The following GCFC2 variants were observed in gnomAD, a reference collection of about 807,000 sequenced individuals.
GCFC2 encodes intron Large complex component GCFC2.
Under a neutral mutation model 99.4 loss-of-function variants are expected in GCFC2, and 102 were observed. The ratio of observed to expected loss-of-function variants is 1.03; its 90% CI spans 0.87 to 1.21. GCFC2 has a LOEUF of 1.21. Ranked by LOEUF, GCFC2 falls within the 50% of genes most tolerant of loss-of-function variation. The pLI is 0.00. For synonymous variants in GCFC2, 338 were observed against 316.8 expected (o/e 1.07, Z -0.71); for missense variants, 973 against 920.9 (o/e 1.06, Z -0.73).
At chr2:75,665,887 C>A in intron 16 of GCFC2, 42 bp downstream of exon 16, 3 of 1,358,480 alleles carry the variant, frequency 2.2e-6, no homozygotes, top group African/African-American at 1.5e-5. Flanking sequence ...ATACAGAATC[C>A]ATGAACTCTC....
At chr2:75,685,240 C>T (rs902625331) in intron 11 of GCFC2, among the ~76,000 whole-genome samples, 2 of 152,146 alleles carry the variant, frequency 1.3e-5, no homozygotes, top group Admixed American at 1.3e-4. Context: ...CTTAGCCCTA[C>T]TTCCTCCTCT....
chr2:75,694,530 TA>T (rs1287820335), intron 5 of GCFC2, 103 bp from the exon 6 acceptor site: 3 of 456,944 alleles, frequency 6.6e-6, no homozygotes, highest in Non-Finnish European at 1.1e-5. Flanking sequence ...GACAATCATA[TA>T]AATCTGGGTT....
intron 4 of GCFC2, among the ~76,000 whole-genome samples, chr2:75,700,514 G>T (rs186933427): frequency 9.0e-4 from 137 of 152,132 alleles, no homozygotes; most frequent in African/African-American, 3.1e-3. Context: ...GTATTGTGAA[G>T]TGAAAAAAAC....
At chr2:75,676,771 G>C (rs1457949527) in intron 12 of GCFC2, among the ~76,000 whole-genome samples, 3 of 152,066 alleles carry the variant, frequency 2.0e-5, no homozygotes, top group Non-Finnish European at 4.4e-5. Context: ...ATTTTTAAAC[G>C]CATGGGTGGG....
At chr2:75,669,738 A>G (rs1679003849) in intron 15 of GCFC2, among the ~76,000 whole-genome samples, 2 of 148,040 alleles carry the variant, frequency 1.4e-5, no homozygotes, top group African/African-American at 2.5e-5. Context: ...TCATTTGTCA[A>G]TTTTTTTTTT....
upstream of GCFC2, chr2:75,711,285 C>T (rs930224705): frequency 2.3e-6 from 2 of 857,464 alleles, no homozygotes; most frequent in Admixed American, 1.2e-4. Context: ...AGATTTAAAA[C>T]AAACGAAACC....
At chr2:75,668,648 CT>C (rs1358846040) in intron 15 of GCFC2, among the ~76,000 whole-genome samples, 2 of 152,006 alleles carry the variant, frequency 1.3e-5, no homozygotes, top group Non-Finnish European at 2.9e-5. Flanking sequence ...ATTTATTTTC[CT>C]TTCACATTTT....
rs1052976614 is a variant in GCFC2 at position 75,662,885 on chromosome 2, A to C, written c.*1781T>G. 2.0e-5 allele frequency: 3 copies of C among 150,900 alleles called. No homozygotes were observed. Among genetic ancestry groups the C allele is most frequent in the East Asian group, 1.9e-4 (1 of 5,156 alleles). The allele number at this position is 150,900 out of a possible 1,614,324, so 9.3% of individuals were successfully genotyped here. A position where few individuals can be genotyped will look rare whatever the true frequency, so the allele number is the denominator to read the frequency against. ...AAAAATTACAAATTTCATGTGCAAT[A>C]AAGTGTCTGCCACTTACGTAAAAAA... On this transcript the variant is annotated 3_prime_UTR_variant, in exon 17 of 17. Coordinates refer to ENST00000321027, the MANE Select transcript of GCFC2 (RefSeq NM_003203.5).
At chr2:75,712,002 G>C (rs1003997794), upstream of GCFC2, among the ~76,000 whole-genome samples, 14 of 152,266 alleles carry the variant, frequency 9.2e-5, no homozygotes, top group Admixed American at 6.5e-5. Context: ...CTGCAGCCCC[G>C]GTGCGGGATC....
At chr2:75,671,530 T>A (rs976423475) in intron 14 of GCFC2, among the ~76,000 whole-genome samples, 2 of 152,194 alleles carry the variant, frequency 1.3e-5, no homozygotes, top group Non-Finnish European at 2.9e-5. Context: ...CTCCTTCTCA[T>A]CCCTACTGCC....
intron 1 of GCFC2, among the ~76,000 whole-genome samples, chr2:75,706,996 T>C (rs559089667): frequency 6.6e-6 from 1 of 152,328 alleles, no homozygotes; most frequent in Non-Finnish European, 1.5e-5. Flanking sequence ...AAATATTTAA[T>C]GTATACTATG....
At chr2:75,667,374 G>A (rs1678890768) in intron 15 of GCFC2, among the ~76,000 whole-genome samples, 2 of 152,042 alleles carry the variant, frequency 1.3e-5, no homozygotes, top group African/African-American at 4.8e-5. Context: ...AATATAGAAA[G>A]CAGAGAGTTG....
chr2:75,673,412 T>C (rs1679209741), intron 13 of GCFC2, 32 bp downstream of exon 13: 3 of 898,736 alleles, frequency 3.3e-6, no homozygotes, highest in African/African-American at 3.3e-5. Flanking sequence ...TGATCAGCTA[T>C]TTCCAACAAT....
At chr2:75,702,511 T>TAGGATA (rs1680653287) in intron 2 of GCFC2, 88 bp from the exon 3 acceptor site, 3 of 1,007,864 alleles carry the variant, frequency 3.0e-6, no homozygotes, top group Non-Finnish European at 4.3e-6. Flanking sequence ...AAAAGCACCA[T>TAGGATA]TTTCCTAAAT....
chr2:75,707,871 T>C (rs1680943508), intron 1 of GCFC2, among the ~76,000 whole-genome samples: 1 of 152,230 alleles, frequency 6.6e-6, no homozygotes, highest in African/African-American at 2.4e-5. Context: ...GTATTTTTCC[T>C]TACCTCACAT....
At chr2:75,691,664 A>C (rs1305109680) in intron 7 of GCFC2, among the ~76,000 whole-genome samples, 1 of 152,224 alleles carries the variant, frequency 6.6e-6, no homozygotes, top group Non-Finnish European at 1.5e-5. Flanking sequence ...GGGCTCTGAA[A>C]CTATGAAGTT....
At chr2:75,677,681 G>C in intron 12 of GCFC2, among the ~76,000 whole-genome samples, 1 of 152,154 alleles carries the variant, frequency 6.6e-6, no homozygotes, top group East Asian at 1.9e-4. Context: ...AGCGGTTTCA[G>C]AATAAAAACA....
chr2:75,664,453 T>G lies in GCFC2; in HGVS notation c.*213A>C. 1 of 317,096 alleles carries G rather than the reference T, an allele frequency of 3.2e-6. No individual in the cohort carries two copies. The allele number at this position is 317,096 out of a possible 1,614,324, so 19.6% of individuals were successfully genotyped here. A position where few individuals can be genotyped will look rare whatever the true frequency, so the allele number is the denominator to read the frequency against. Reference sequence around the variant, plus strand: ...ACACGTTGAGCTCTTAAAGCTCCAGTGCATTTAATTCCTTAGAACACCACA... The same window carrying G: ...ACACGTTGAGCTCTTAAAGCTCCAGGGCATTTAATTCCTTAGAACACCACA... On this transcript the variant is annotated 3_prime_UTR_variant, in exon 17 of 17. Coordinates refer to ENST00000321027, the MANE Select transcript of GCFC2 (RefSeq NM_003203.5).
At chr2:75,704,976 A>G (rs1680772930) in intron 2 of GCFC2, among the ~76,000 whole-genome samples, 1 of 152,218 alleles carries the variant, frequency 6.6e-6, no homozygotes, top group Non-Finnish European at 1.5e-5. Context: ...CTAATCCGCC[A>G]TCTTTTATAG....
Sources: allele counts gnomAD v4.1 joint callset (sites outside exome capture counted in the v4.1 genomes callset), GRCh38; gene constraint gnomAD v4.1.1; transcripts MANE v1.5; gene names NCBI Gene and HGNC (gene_info 2026-07-23, HGNC 2026-07-21).